Variants in KCNA5 observed in about 807,000 individuals in gnomAD.
The protein encoded by KCNA5 is cardiac potassium channel.
KCNA5 carries 22 observed loss-of-function variants against 26.5 expected under a neutral mutation model. The observed-to-expected ratio is 0.83, with a 90% CI of 0.59 to 1.18. KCNA5 has a LOEUF of 1.18. Among genes scored for constraint, KCNA5 ranks in the 50% most tolerant of loss-of-function variants. The probability of loss-of-function intolerance (pLI) is 0.00; values close to 1 mark genes in which losing one functional copy is unlikely to be tolerated. For synonymous variants in KCNA5, 465 were observed against 372.8 expected (o/e 1.25, Z -2.85); for missense variants, 916 against 843.2 (o/e 1.09, Z -1.07).
In KCNA5 at chr12:5,044,653, G is replaced by C. The variant is rs771187568; in HGVS notation, c.506G>C (p.Arg169Pro). 1 of 1,614,100 alleles carries C rather than the reference G, an allele frequency of 6.2e-7. No individual in the cohort carries two copies. The highest frequency in any genetic ancestry group is 8.5e-7 in the Non-Finnish European group (1 of 1,180,036). ...LRNEYFFDRN[R>P]PSFDGILYYY... Reference sequence around the variant, plus strand: ...AACGAGTACTTCTTCGACCGCAACCGGCCCAGCTTCGACGGTATCCTCTAC... The same window carrying C: ...AACGAGTACTTCTTCGACCGCAACCCGCCCAGCTTCGACGGTATCCTCTAC... The change falls in exon 1 of 1, where the codon CGG becomes CCG. Residue 169 changes from arginine (R) to proline (P), a missense_variant. By Grantham distance (103) the Arg-to-Pro change is moderately radical. Transcript: ENST00000252321.
In KCNA5 at chr12:5,046,068, A is replaced by C. The variant is rs1862776088; in HGVS notation, c.*79A>C. 1.3e-6 allele frequency: 2 copies of C among 1,545,402 alleles called. No individual in the cohort carries two copies. The highest frequency in any genetic ancestry group is 1.8e-6 in the Non-Finnish European group (2 of 1,125,068). ...AACATGGATATCTACATTATACCGC[A>C]GAGTATTTGAAGTCACACTGTAACC... On this transcript the variant is annotated 3_prime_UTR_variant, in exon 1 of 1. Transcript: ENST00000252321.
rs768345075 is a variant in KCNA5, at chr12:5,045,068, C to G, written c.921C>G (p.Pro307=). 15 of 1,612,720 alleles carry G rather than the reference C, an allele frequency of 9.3e-6. No homozygotes were observed. The highest frequency in any genetic ancestry group is 1.3e-5 in the Non-Finnish European group (15 of 1,179,566). Residue 307 remains proline (P), a synonymous_variant, in exon 1 of 1, where the codon CCC becomes CCG. Coordinates refer to ENST00000252321, the MANE Select transcript of KCNA5 (RefSeq NM_002234.4). This position sits in a 1 kb window ranked among gnomAD's most constrained non-coding sequence, Gnocchi z 5.6. ...ACGGCAGCGGGGTCATGGCCCCGCC[C>G]TCTGGCCCTACGGTGGCACCGCTCC... ...GANGSGVMAP[P]SGPTVAPLLP...
rs1862738048 is a variant in KCNA5, at chr12:5,043,997, A to G, written c.-151A>G. ...CAGCGGCTTCTTGACGTCAGGGCCA[A>G]GCGAGGGGATCGCGCCAGCAACCCC... On this transcript the variant is annotated 5_prime_UTR_variant, in exon 1 of 1. Coordinates refer to ENST00000252321, the MANE Select transcript of KCNA5 (RefSeq NM_002234.4). 4 of 789,390 alleles carry G rather than the reference A, an allele frequency of 5.1e-6. No homozygotes were observed. Among genetic ancestry groups the G allele is most frequent in the Middle Eastern group, 3.6e-4 (1 of 2,768 alleles). The allele number at this position is 789,390 out of a possible 1,614,324, so 48.9% of individuals were successfully genotyped here. A position where few individuals can be genotyped will look rare whatever the true frequency, so the allele number is the denominator to read the frequency against.
In KCNA5 at chr12:5,046,429, G is replaced by A. The variant is rs1173465110; in HGVS notation, c.*440G>A. ...TTTTATGCCTGGTAAGTGGCTTTTT[G>A]TACTGTAGTTCAGATAGAGATATTT... On this transcript the variant is annotated 3_prime_UTR_variant, in exon 1 of 1. Coordinates refer to ENST00000252321, the MANE Select transcript of KCNA5 (RefSeq NM_002234.4). The A allele has an allele frequency of 1.3e-5, 3 of 230,836 alleles. No individual in the cohort carries two copies. In the East Asian group the frequency reaches 3.2e-4, roughly 24 times the overall value. The allele number at this position is 230,836 out of a possible 1,614,324, so 14.3% of individuals were successfully genotyped here.
Position 5,044,167 on chromosome 12 carries a change from C to T in KCNA5, c.20C>T (p.Pro7Leu), listed in dbSNP as rs1441963188. 2.0e-6 allele frequency: 3 copies of T among 1,536,304 alleles called. No individual in the cohort carries two copies. In the South Asian group the frequency reaches 3.6e-5, roughly 18 times the overall value. Residue 7 changes from proline (P) to leucine (L), a missense_variant, in exon 1 of 1, where the codon CCC becomes CTC. By Grantham distance (98) the Pro-to-Leu change is moderately conservative. Transcript: ENST00000252321. ...CGCGCCATGGAGATCGCCCTGGTGC[C>T]CCTGGAGAACGGCGGTGCCATGACC... Reference protein sequence around the residue: MEIALVPLENGGAMTVR... With the variant: MEIALVLLENGGAMTVR...
chr12:5,045,400 A>G lies in KCNA5; in HGVS notation c.1253A>G (p.Lys418Arg), dbSNP rs756627134. 1.2e-6 allele frequency: 2 copies of G among 1,614,104 alleles called. No individual in the cohort carries two copies. The highest frequency in any genetic ancestry group is 8.5e-7 in the Non-Finnish European group (1 of 1,179,948). The stretch of plus-strand genomic sequence containing the variant: ...ATCTTCAAGCTCTCCCGCCACTCCA[A>G]GGGGCTGCAGATCCTGGGCAAGACC... ...FRIFKLSRHS[K>R]GLQILGKTLQ... The change falls in exon 1 of 1, where the codon AAG becomes AGG. Residue 418 changes from lysine (K) to arginine (R), a missense_variant. Lys to Arg is a conservative substitution (Grantham distance 26, BLOSUM62 2). Coordinates refer to ENST00000252321, the MANE Select transcript of KCNA5 (RefSeq NM_002234.4). This position sits in a 1 kb window ranked among gnomAD's most constrained non-coding sequence, Gnocchi z 5.6.
Position 5,045,580 on chromosome 12 carries a change from T to C in KCNA5, c.1433T>C (p.Met478Thr), listed in dbSNP as rs1250320233. ...PDAFWWAVVT[M>T]TTVGYGDMRP... The stretch of plus-strand genomic sequence containing the variant: ...GCCTTCTGGTGGGCAGTGGTCACCA[T>C]GACCACTGTGGGCTACGGGGACATG... The change falls in exon 1 of 1, where the codon ATG becomes ACG. Residue 478 changes from methionine (M) to threonine (T), a missense_variant. Physicochemically the swap from Met to Thr is moderately conservative, Grantham distance 81. Transcript: ENST00000252321. The surrounding 1 kb of genome is among the most constrained non-coding windows in gnomAD (Gnocchi z 5.6). 2 of 1,614,196 alleles carry C rather than the reference T, an allele frequency of 1.2e-6. No homozygotes were observed. The highest frequency in any genetic ancestry group is 3.3e-4 in the Middle Eastern group (2 of 6,062).
chr12:5,045,042 A>T lies in KCNA5; in HGVS notation c.895A>T (p.Asn299Tyr). 1 of 1,612,286 alleles carries T rather than the reference A, an allele frequency of 6.2e-7. No individual in the cohort carries two copies. The highest frequency in any genetic ancestry group is 2.2e-5 in the East Asian group (1 of 44,776). The change falls in exon 1 of 1, where the codon AAC becomes TAC. Residue 299 changes from asparagine to tyrosine, a missense_variant. Coordinates refer to ENST00000252321, the MANE Select transcript of KCNA5 (RefSeq NM_002234.4). This position sits in a 1 kb window ranked among gnomAD's most constrained non-coding sequence, Gnocchi z 5.6. ...HQPPAPAPGA[N>Y]GSGVMAPPSG... ...GCCTCCCGCGCCCGCCCCTGGGGCCAACGGCAGCGGGGTCATGGCCCCGCC... is the reference window on the plus strand; with the variant it reads ...GCCTCCCGCGCCCGCCCCTGGGGCCTACGGCAGCGGGGTCATGGCCCCGCC...
At position 5,045,784 on chromosome 12, in the gene KCNA5, C is replaced by T. The variant is rs1022596209; in HGVS notation, c.1637C>T (p.Pro546Leu). ...GAGCAGGGCACTCAGAGCCAGGGGC[C>T]GGGGCTGGACAGAGGAGTCCAGCGG... ...KEEQGTQSQGPGLDRGVQRKV... is the reference protein window; with the variant it reads ...KEEQGTQSQGLGLDRGVQRKV... The change falls in exon 1 of 1, where the codon CCG (proline) becomes CTG (leucine). Residue 546 changes from proline (P) to leucine (L), a missense_variant. Transcript: ENST00000252321. This position sits in a 1 kb window ranked among gnomAD's most constrained non-coding sequence, Gnocchi z 5.6. 5.6e-6 allele frequency: 9 copies of T among 1,613,944 alleles called. No individual in the cohort carries two copies. The highest frequency in any genetic ancestry group is 5.1e-6 in the Non-Finnish European group (6 of 1,179,994).
At position 5,044,203 on chromosome 12, in the gene KCNA5, G is replaced by A. The variant is rs1862741567; in HGVS notation, c.56G>A (p.Gly19Asp). The A allele has an allele frequency of 1.3e-6, 2 of 1,537,766 alleles. No individual in the cohort carries two copies. The highest frequency in any genetic ancestry group is 2.7e-5 in the African/African-American group (2 of 73,160). The change falls in exon 1 of 1, where the codon GGC becomes GAC. Residue 19 changes from glycine (G) to aspartate (D), a missense_variant. Physicochemically the swap from Gly to Asp is moderately conservative, Grantham distance 94 (BLOSUM62 -1). Transcript: ENST00000252321. ...ENGGAMTVRG[G>D]DEARAGCGQA... ...GGCGGTGCCATGACCGTCAGAGGAG[G>A]CGATGAGGCCCGGGCAGGCTGCGGC...
rs777228697 is a variant in KCNA5, at chr12:5,044,575, A to G, written c.428A>G (p.Asn143Ser). 19 of 1,613,916 alleles carry G rather than the reference A, an allele frequency of 1.2e-5. No homozygotes were observed. The highest frequency in any genetic ancestry group is 5.3e-5 in the African/African-American group (4 of 74,944). Residue 143 changes from asparagine (N) to serine (S), a missense_variant, in exon 1 of 1, where the codon AAC (asparagine) becomes AGC (serine). Asn to Ser is a conservative substitution (Grantham distance 46). Transcript: ENST00000252321. ...TQLGTLAQFP[N>S]TLLGDPAKRL... ...CTGGGCACCCTGGCGCAGTTCCCCAACACACTCCTGGGGGACCCCGCCAAG... is the reference window on the plus strand; with the variant it reads ...CTGGGCACCCTGGCGCAGTTCCCCAGCACACTCCTGGGGGACCCCGCCAAG...
Position 5,044,047 on chromosome 12 carries a change from C to G in KCNA5, c.-101C>G. The G allele has an allele frequency of 7.3e-7, 1 of 1,361,484 alleles. No homozygotes were observed. Among genetic ancestry groups the G allele is most frequent in the Non-Finnish European group, 1.0e-6 (1 of 997,302 alleles). The allele number at this position is 1,361,484 out of a possible 1,614,324, so 84.3% of individuals were successfully genotyped here. A position where few individuals can be genotyped will look rare whatever the true frequency, so the allele number is the denominator to read the frequency against. ...CAGCTCTCCCCAGAGAGGGGCCGGCCGACCGCTGGAGCGGAGCCTGACGCC... is the reference window on the plus strand; with the variant it reads ...CAGCTCTCCCCAGAGAGGGGCCGGCGGACCGCTGGAGCGGAGCCTGACGCC... On this transcript the variant is annotated 5_prime_UTR_variant, in exon 1 of 1. Coordinates refer to ENST00000252321, the MANE Select transcript of KCNA5 (RefSeq NM_002234.4).
In KCNA5 at chr12:5,045,380, C is replaced by T. The variant is rs201975625; in HGVS notation, c.1233C>T (p.Phe411=). 1 of 1,612,984 alleles carries T rather than the reference C, an allele frequency of 6.2e-7. No individual in the cohort carries two copies. The highest frequency in any genetic ancestry group is 2.2e-5 in the East Asian group (1 of 44,826). ...GCCTGGTCCGGGTGTTCCGCATCTT[C>T]AAGCTCTCCCGCCACTCCAAGGGGC... is the stretch of plus-strand genomic sequence containing the variant. The part of the protein sequence containing the change: ...VIRLVRVFRI[F]KLSRHSKGLQ... The change falls in exon 1 of 1, where the codon TTC becomes TTT. Residue 411 remains phenylalanine, a synonymous_variant. Transcript: ENST00000252321. This position sits in a 1 kb window ranked among gnomAD's most constrained non-coding sequence, Gnocchi z 5.6.
Position 5,044,221 on chromosome 12 carries a change from G to A in KCNA5, c.74G>A (p.Gly25Asp). 1.3e-6 allele frequency: 2 copies of A among 1,537,962 alleles called. No homozygotes were observed. The highest frequency in any genetic ancestry group is 8.7e-7 in the Non-Finnish European group (1 of 1,146,908). The change falls in exon 1 of 1, where the codon GGC becomes GAC. Residue 25 changes from glycine (G) to aspartate (D), a missense_variant. Coordinates refer to ENST00000252321, the MANE Select transcript of KCNA5 (RefSeq NM_002234.4). ...TVRGGDEARA[G>D]CGQATGGELQ... ...AGAGGAGGCGATGAGGCCCGGGCAGGCTGCGGCCAGGCCACAGGGGGAGAG... is the reference window on the plus strand; with the variant it reads ...AGAGGAGGCGATGAGGCCCGGGCAGACTGCGGCCAGGCCACAGGGGGAGAG...
rs2137774279 is a variant in KCNA5, at chr12:5,046,042, G to A, written c.*53G>A. 1 of 1,601,366 alleles carries A rather than the reference G, an allele frequency of 6.2e-7. No individual in the cohort carries two copies. Among genetic ancestry groups the A allele is most frequent in the African/African-American group, 1.3e-5 (1 of 74,858 alleles). On this transcript the variant is annotated 3_prime_UTR_variant, in exon 1 of 1. Transcript: ENST00000252321. ...TGGAGTAGGGAATGGGAGGCTTGCT[G>A]AACATGGATATCTACATTATACCGC... is the stretch of plus-strand genomic sequence containing the variant.
In KCNA5 at chr12:5,045,600, G is replaced by A; in HGVS notation, c.1453G>A (p.Asp485Asn). ...CACCATGACCACTGTGGGCTACGGG[G>A]ACATGAGGCCCATCACTGTTGGGGG... Reference protein sequence around the residue: ...VVTMTTVGYGDMRPITVGGKI... With the variant: ...VVTMTTVGYGNMRPITVGGKI... Residue 485 changes from aspartate to asparagine, a missense_variant, in exon 1 of 1, where the codon GAC (aspartate) becomes AAC (asparagine). Physicochemically the swap from Asp to Asn is conservative, Grantham distance 23. Transcript: ENST00000252321. The surrounding 1 kb of genome is among the most constrained non-coding windows in gnomAD (Gnocchi z 5.6). 1.2e-6 allele frequency: 2 copies of A among 1,614,208 alleles called. No individual in the cohort carries two copies. Among genetic ancestry groups the A allele is most frequent in the Non-Finnish European group, 1.7e-6 (2 of 1,180,042 alleles).
Position 5,043,884 on chromosome 12 carries a change from G to A in KCNA5, c.-264G>A, listed in dbSNP as rs1200045033. The A allele has an allele frequency of 4.0e-6, 2 of 497,018 alleles. No individual in the cohort carries two copies. Among genetic ancestry groups the A allele is most frequent in the Admixed American group, 3.5e-5 (1 of 28,594 alleles). 30.8% of individuals were successfully genotyped at this position (497,018 alleles called of 1,614,324 possible). A position where few individuals can be genotyped will look rare whatever the true frequency, so the allele number is the denominator to read the frequency against. Reference sequence around the variant, plus strand: ...AGGCCAAGCGCGGCGCAGCCAGAGAGGGGCGGCTGAAGGTTGCATCTGCTG... The same window carrying A: ...AGGCCAAGCGCGGCGCAGCCAGAGAAGGGCGGCTGAAGGTTGCATCTGCTG... On this transcript the variant is annotated 5_prime_UTR_variant, in exon 1 of 1. Coordinates refer to ENST00000252321, the MANE Select transcript of KCNA5 (RefSeq NM_002234.4).
At position 5,045,656 on chromosome 12, in the gene KCNA5, C is replaced by T. The variant is rs748151274; in HGVS notation, c.1509C>T (p.Ala503=). The T allele has an allele frequency of 9.3e-6, 15 of 1,614,068 alleles. No individual in the cohort carries two copies. The highest frequency in any genetic ancestry group is 3.3e-5 in the Admixed American group (2 of 60,014). Reference sequence around the variant, plus strand: ...TCGTGGGCTCGCTGTGTGCCATCGCCGGGGTCCTCACCATTGCCCTGCCTG... The same window carrying T: ...TCGTGGGCTCGCTGTGTGCCATCGCTGGGGTCCTCACCATTGCCCTGCCTG... ...GKIVGSLCAI[A]GVLTIALPVP... The change falls in exon 1 of 1, where the codon GCC becomes GCT. Residue 503 remains alanine, a synonymous_variant. Coordinates refer to ENST00000252321, the MANE Select transcript of KCNA5 (RefSeq NM_002234.4). The surrounding 1 kb of genome is among the most constrained non-coding windows in gnomAD (Gnocchi z 5.6).
chr12:5,044,033 A>T lies in KCNA5; in HGVS notation c.-115A>T. 5.8e-6 allele frequency: 7 copies of T among 1,198,410 alleles called. No individual in the cohort carries two copies. The highest frequency in any genetic ancestry group is 8.2e-6 in the Non-Finnish European group (7 of 851,986). 74.2% of individuals were successfully genotyped at this position (1,198,410 alleles called of 1,614,324 possible). A position where few individuals can be genotyped will look rare whatever the true frequency, so the allele number is the denominator to read the frequency against. ...CGCGCCAGCAACCCCAGCTCTCCCC[A>T]GAGAGGGGCCGGCCGACCGCTGGAG... On this transcript the variant is annotated 5_prime_UTR_variant, in exon 1 of 1. Transcript: ENST00000252321.
Sources: allele counts gnomAD v4.1 joint callset, GRCh38; gene constraint gnomAD v4.1.1; non-coding constraint Gnocchi (gnomAD v3.1); transcripts MANE v1.5; gene names NCBI Gene and HGNC (gene_info 2026-07-23, HGNC 2026-07-21).